The following CBL variants were observed in gnomAD, a reference collection of about 807,000 sequenced individuals.
The protein encoded by CBL is Cbl proto-oncogene.
In CBL, 45 loss-of-function variants were observed where a neutral mutation model predicts 96.9. The observed-to-expected ratio is 0.46, with a 90% confidence interval of 0.37 to 0.60. The LOEUF is 0.60. CBL is among the 20% of genes least tolerant of loss of function. The pLI is 0.00. For missense variants in CBL, 1,024 were observed against 1,143.5 expected, an observed-to-expected ratio of 0.90 and a Z score of 1.51; for synonymous variants, 420 against 426.8, an observed-to-expected ratio of 0.98 and a Z score of 0.20.
intron 2 of CBL, among the ~76,000 whole-genome samples, chr11:119,263,607 A>T (rs1949771468): frequency 6.6e-6 from 1 of 152,190 alleles, no homozygotes; most frequent in Non-Finnish European, 1.5e-5. Context: ...CTATTTTTAG[A>T]TGTATTGGCT....
chr11:119,306,969 G>C lies in CBL; in HGVS notation c.*7188G>C, dbSNP rs1403022233. The C allele has an allele frequency of 4.4e-6, 1 of 224,942 alleles. No individual in the cohort carries two copies. The highest frequency in any genetic ancestry group is 8.8e-6 in the Non-Finnish European group (1 of 113,530). 13.9% of individuals were successfully genotyped at this position (224,942 alleles called of 1,614,324 possible). ...AAAAAAAAAAAGCCAAATGTTTTGT[G>C]CCTTTCTAAGGCAGCACTGTATCCC... On this transcript the variant is annotated 3_prime_UTR_variant, in exon 16 of 16. Transcript: ENST00000264033.
chr11:119,215,983 G>T (rs1949357298), intron 1 of CBL, among the ~76,000 whole-genome samples: 1 of 152,250 alleles, frequency 6.6e-6, no homozygotes, highest in African/African-American at 2.4e-5. Context: ...CCTTCCTGCA[G>T]CAGCTTCCGC....
At chr11:119,272,621 C>T (rs539785254) in intron 3 of CBL, among the ~76,000 whole-genome samples, 6 of 152,316 alleles carry the variant, frequency 3.9e-5, no homozygotes, top group African/African-American at 1.4e-4. Flanking sequence ...TCATATTTTA[C>T]AGTAGCCCCA....
intron 11 of CBL, 37 bp downstream of exon 11, chr11:119,285,603 A>G: frequency 6.2e-7 from 1 of 1,607,106 alleles, no homozygotes; most frequent in Non-Finnish European, 8.5e-7. Context: ...ACCTGTTAAG[A>G]AATATGTGTG....
intron 1 of CBL, among the ~76,000 whole-genome samples, chr11:119,230,814 T>C (rs1592376797): frequency 6.6e-6 from 1 of 152,244 alleles, no homozygotes. Flanking sequence ...GAAAAGTCCA[T>C]GTAAATAGAA....
At position 119,287,860 on chromosome 11, in the gene CBL, T is replaced by G. The variant is rs765873527; in HGVS notation, c.1950T>G (p.Asn650Lys). The G allele has an allele frequency of 2.5e-6, 4 of 1,608,382 alleles. No homozygotes were observed. The South Asian group carries it at 4.4e-5, about 18-fold the overall frequency. Residue 650 changes from asparagine to lysine, a missense_variant, in exon 12 of 16, where the codon AAT becomes AAG. Asn to Lys is a moderately conservative substitution (Grantham distance 94). This residue lies in a region of CBL where 695 missense variants were observed against 661.6 expected (regional missense o/e 1.05). Transcript: ENST00000264033. The stretch of plus-strand genomic sequence containing the variant: ...TTTTCTTTACTTTCCAGAGTATGAA[T>G]AGCAGCCCATTAGTAGGTCCAGAGT... ...TFSLDTSMSMNSSPLVGPECD... is the reference protein window; with the variant it reads ...TFSLDTSMSMKSSPLVGPECD...
intron 2 of CBL, among the ~76,000 whole-genome samples, chr11:119,236,130 C>T (rs942447013): frequency 8.6e-5 from 13 of 151,762 alleles, no homozygotes; most frequent in Non-Finnish European, 1.3e-4. Context: ...TTAGTGTATT[C>T]GCAAAGTCAG....
At chr11:119,237,452 T>C (rs1380610395) in intron 2 of CBL, among the ~76,000 whole-genome samples, 1 of 152,236 alleles carries the variant, frequency 6.6e-6, no homozygotes, top group African/African-American at 2.4e-5. Context: ...TTTGTACTTT[T>C]AAGAAATTAT....
intron 9 of CBL, among the ~76,000 whole-genome samples, chr11:119,283,537 A>G (rs1163917226): frequency 6.6e-6 from 1 of 151,878 alleles, no homozygotes; most frequent in East Asian, 1.9e-4. Flanking sequence ...GAAATGGAAA[A>G]GGTTATATAT....
rs752260506 is a variant in CBL at position 119,285,360 on chromosome 11, C to A, written c.1735C>A (p.Pro579Thr). The A allele has an allele frequency of 6.2e-7, 1 of 1,614,138 alleles. No homozygotes were observed. Among genetic ancestry groups the A allele is most frequent in the Non-Finnish European group, 8.5e-7 (1 of 1,180,000 alleles). The stretch of plus-strand genomic sequence containing the variant: ...CGACTGTCCCTCCAGAGACAAACTG[C>A]CCCCTGTCCCCTCTAGCCGCCTTGG... ...PGDCPSRDKL[P>T]PVPSSRLGDS... The change falls in exon 11 of 16, where the codon CCC (proline) becomes ACC (threonine). Residue 579 changes from proline (P) to threonine (T), a missense_variant. By Grantham distance (38) the Pro-to-Thr change is conservative. Coordinates refer to ENST00000264033, the MANE Select transcript of CBL (RefSeq NM_005188.4).
intron 2 of CBL, among the ~76,000 whole-genome samples, chr11:119,264,437 TCTTCTTTC>T (rs1270824911): frequency 1.1e-5 from 1 of 93,808 alleles, no homozygotes; most frequent in Non-Finnish European, 2.4e-5. Context: ...TCTTCTCTTC[TCTTCTTTC>T]TCTTCTCTTC....
At position 119,299,738 on chromosome 11, in the gene CBL, G is replaced by A. The variant is rs751198294; in HGVS notation, c.2678G>A (p.Arg893Gln). 14 of 1,614,060 alleles carry A rather than the reference G, an allele frequency of 8.7e-6. No individual in the cohort carries two copies. Among genetic ancestry groups the A allele is most frequent in the East Asian group, 4.5e-5 (2 of 44,898 alleles). ...NNIEMAKNILREFVSISSPAH... is the reference protein window; with the variant it reads ...NNIEMAKNILQEFVSISSPAH... ...ATCGAGATGGCCAAAAACATCCTCC[G>A]GGAATTTGTTTCCATTTCTTCTCCT... The change falls in exon 16 of 16, where the codon CGG becomes CAG. Residue 893 changes from arginine (R) to glutamine (Q), a missense_variant. This residue lies in a region of CBL where 23 missense variants were observed against 42.7 expected (regional missense o/e 0.54). Coordinates refer to ENST00000264033, the MANE Select transcript of CBL (RefSeq NM_005188.4).
chr11:119,239,163 G>A (rs1272055648), intron 2 of CBL, among the ~76,000 whole-genome samples: 3 of 151,964 alleles, frequency 2.0e-5, no homozygotes, highest in Non-Finnish European at 4.4e-5. Context: ...TAGACACGAG[G>A]TTTCGTCGTG....
chr11:119,251,129 C>A (rs1949667014), intron 2 of CBL, among the ~76,000 whole-genome samples: 1 of 152,064 alleles, frequency 6.6e-6, no homozygotes, highest in South Asian at 2.1e-4. Flanking sequence ...TGCTGTGTGC[C>A]TGATATATTC....
chr11:119,286,114 C>T (rs2135311522), intron 11 of CBL, among the ~76,000 whole-genome samples: 1 of 152,148 alleles, frequency 6.6e-6, no homozygotes, highest in South Asian at 2.1e-4. Context: ...CCCTGGCTAA[C>T]ATGATGAAAC....
At chr11:119,238,907 TAAC>T (rs1489905634) in intron 2 of CBL, among the ~76,000 whole-genome samples, 13 of 152,210 alleles carry the variant, frequency 8.5e-5, no homozygotes, top group African/African-American at 3.1e-4. Flanking sequence ...ACTGCCATCT[TAAC>T]AATACTGTTT....
At position 119,305,741 on chromosome 11, in the gene CBL, A is replaced by G. The variant is rs1030976134; in HGVS notation, c.*5960A>G. On this transcript the variant is annotated 3_prime_UTR_variant, in exon 16 of 16. Transcript: ENST00000264033. Reference sequence around the variant, plus strand: ...AATTGCTTTCATTTTAGTCCTATATAAAAGCTTTCCTTTTCTGTTTTTTTT... The same window carrying G: ...AATTGCTTTCATTTTAGTCCTATATGAAAGCTTTCCTTTTCTGTTTTTTTT... The G allele has an allele frequency of 8.8e-6, 2 of 227,042 alleles. No individual in the cohort carries two copies. The highest frequency in any genetic ancestry group is 4.4e-5 in the African/African-American group (2 of 44,952). 14.1% of individuals were successfully genotyped at this position (227,042 alleles called of 1,614,324 possible).
At chr11:119,287,804 C>A (rs189506126) in intron 11 of CBL, 48 bp from the exon 12 acceptor site, 2 of 1,164,090 alleles carry the variant, frequency 1.7e-6, no homozygotes, top group African/African-American at 1.5e-5. Context: ...AGCAGAGGCT[C>A]AGCTGTGGTA....
At chr11:119,228,747 C>T (rs1166911009) in intron 1 of CBL, among the ~76,000 whole-genome samples, 1 of 151,954 alleles carries the variant, frequency 6.6e-6, no homozygotes, top group African/African-American at 2.4e-5. Flanking sequence ...GCTTCAACCT[C>T]TGGAGTAGCT....
Sources: gnomAD v4.1 joint callset for allele counts (sites outside exome capture counted in the v4.1 genomes callset) on GRCh38, gnomAD v4.1.1 for gene constraint, gnomAD v4.1.1 regional missense constraint, MANE v1.5 for transcripts, NCBI Gene and HGNC (gene_info 2026-07-23, HGNC 2026-07-21) for gene names.